MEIS3: variants seen among roughly 807,000 people sequenced by gnomAD.
MEIS3 encodes homeobox protein Meis3.
MEIS3 carries 38 observed loss-of-function variants against 51.4 expected under a neutral mutation model. That is an observed-to-expected ratio of 0.74 (90% CI 0.57 to 0.97). MEIS3 has a LOEUF of 0.97. MEIS3 is among the 50% of genes least tolerant of loss of function. MEIS3 has a pLI of 0.00. For synonymous variants in MEIS3, 198 were observed against 201.8 expected, an observed-to-expected ratio of 0.98 and a Z score of 0.16; for missense variants, 456 against 502.6, an observed-to-expected ratio of 0.91 and a Z score of 0.89.
In MEIS3 at chr19:47,416,968, G is replaced by A. The variant is rs1971457296; in HGVS notation, c.186-5C>T. On this transcript the variant is annotated splice_polypyrimidine_tract_variant and splice_region_variant and intron_variant, in intron 2 of 12. Transcript: ENST00000558555. ...AAGAGGGGGAAGAGCGGGTGTCTGGGGAGGCAGGAAAGGAGAGAGGTTGAG... is the reference window on the plus strand; with the variant it reads ...AAGAGGGGGAAGAGCGGGTGTCTGGAGAGGCAGGAAAGGAGAGAGGTTGAG... The A allele has an allele frequency of 6.4e-7, 1 of 1,573,632 alleles. No individual in the cohort carries two copies. Among genetic ancestry groups the A allele is most frequent in the Non-Finnish European group, 8.6e-7 (1 of 1,159,424 alleles).
chr19:47,407,597 C>G (rs1343243269), intron 8 of MEIS3, 169 bp from the exon 9 acceptor site: 1 of 1,453,458 alleles, frequency 6.9e-7, no homozygotes, highest in Non-Finnish European at 9.0e-7. Flanking sequence ...ACCAAGGGAG[C>G]CTCAGGCTTG....
chr19:47,417,403 C>CGA, intron 1 of MEIS3, 53 bp from the exon 2 acceptor site: 1 of 1,600,834 alleles, frequency 6.2e-7, no homozygotes, highest in Non-Finnish European at 8.5e-7. Context: ...GTCAGCACCC[C>CGA]GAGACTCGGC....
intron 6 of MEIS3, 25 bp downstream of exon 6, chr19:47,414,692 T>C: frequency 6.4e-7 from 1 of 1,566,152 alleles, no homozygotes; most frequent in Non-Finnish European, 8.6e-7. Context: ...TGCAGGACGA[T>C]GCCTGGTGCC....
rs899278171 is a variant in MEIS3 at position 47,416,923 on chromosome 19, A to G, written c.226T>C (p.Cys76Arg). The change falls in exon 3 of 13, where the codon TGT (cysteine) becomes CGT (arginine). Residue 76 changes from cysteine (C) to arginine (R), a missense_variant. By Grantham distance (180) the Cys-to-Arg change is radical. Transcript: ENST00000558555. Reference sequence around the variant, plus strand: ...CGGGGAGAGCATGTAGCCAGTTCACATTTCTCAAAGACCAGGGCCAAGAGG... The same window carrying G: ...CGGGGAGAGCATGTAGCCAGTTCACGTTTCTCAAAGACCAGGGCCAAGAGG... ...FPLLALVFEK[C>R]ELATCSPRDG... The G allele has an allele frequency of 6.2e-7, 1 of 1,609,228 alleles. No homozygotes were observed.
At chr19:47,415,216 G>A in intron 4 of MEIS3, 115 bp from the exon 5 acceptor site, 1 of 718,598 alleles carries the variant, frequency 1.4e-6, no homozygotes, top group East Asian at 2.7e-5. Context: ...CAGAAAGAGT[G>A]AGACAAAATG....
intron 6 of MEIS3, among the ~76,000 whole-genome samples, chr19:47,411,246 T>G (rs1480337187): frequency 3.9e-5 from 6 of 152,166 alleles, no homozygotes; most frequent in Non-Finnish European, 8.8e-5. Flanking sequence ...CATTTCACAT[T>G]TCTAGGCAAT....
At chr19:47,406,816 G>A in intron 11 of MEIS3, 72 bp downstream of exon 11, 1 of 1,343,642 alleles carries the variant, frequency 7.4e-7, no homozygotes, top group Admixed American at 2.2e-5. Context: ...TTGAATCTCA[G>A]GTGGGCATCT....
At chr19:47,414,958 T>G (rs1599820761) in intron 5 of MEIS3, 92 bp from the exon 6 acceptor site, 45 of 567,264 alleles carry the variant, frequency 7.9e-5, no homozygotes, top group Non-Finnish European at 1.0e-4. Context: ...TCAACTCCGG[T>G]GGGGAGAGAG....
chr19:47,408,286 CTGGCTAATTTTT>C (rs1196460855), intron 8 of MEIS3, among the ~76,000 whole-genome samples: 2 of 152,020 alleles, frequency 1.3e-5, no homozygotes, highest in Non-Finnish European at 2.9e-5. Flanking sequence ...GCCACCATGC[CTGGCTAATTTTT>C]TTTTTTAGAG....
At chr19:47,414,684 C>T (rs1400423106) in intron 6 of MEIS3, 33 bp downstream of exon 6, 4 of 1,557,010 alleles carry the variant, frequency 2.6e-6, no homozygotes, top group African/African-American at 2.7e-5. Context: ...GCTGTGGCTG[C>T]AGGACGATGC....
At chr19:47,408,973 G>T in intron 8 of MEIS3, 126 bp downstream of exon 8, 1 of 1,089,118 alleles carries the variant, frequency 9.2e-7, no homozygotes, top group Non-Finnish European at 1.3e-6. Flanking sequence ...CCACCTCCAT[G>T]AGAGTCTCGA....
chr19:47,403,872 A>T (rs1327533146), intron 12 of MEIS3, among the ~76,000 whole-genome samples: 2 of 151,968 alleles, frequency 1.3e-5, no homozygotes, highest in Non-Finnish European at 2.9e-5. Context: ...GAGAGAGAAG[A>T]AGTCATGAAG....
chr19:47,405,530 C>T (rs1970771878), intron 12 of MEIS3, among the ~76,000 whole-genome samples: 1 of 151,980 alleles, frequency 6.6e-6, no homozygotes, highest in African/African-American at 2.4e-5. Context: ...CCAGACCCTA[C>T]CTGAGGCATG....
intron 6 of MEIS3, among the ~76,000 whole-genome samples, chr19:47,410,536 G>A (rs1971082328): frequency 6.6e-6 from 1 of 151,902 alleles, no homozygotes; most frequent in Non-Finnish European, 1.5e-5. Context: ...GGAGGCCCAG[G>A]CGGGTAGATC....
intron 6 of MEIS3, chr19:47,412,534 C>G (rs1369039196): frequency 2.0e-5 from 3 of 152,068 alleles, no homozygotes; most frequent in African/African-American, 4.8e-5. Flanking sequence ...ACTACAGGCG[C>G]ACGACATAAC....
At chr19:47,417,141 A>G in intron 2 of MEIS3, 37 bp downstream of exon 2, 1 of 1,535,738 alleles carries the variant, frequency 6.5e-7, no homozygotes, top group Non-Finnish European at 8.7e-7. Flanking sequence ...AAAGACAGAG[A>G]GAGAGAGACA....
chr19:47,408,101 A>G (rs527314969), intron 8 of MEIS3, among the ~76,000 whole-genome samples: 13 of 151,560 alleles, frequency 8.6e-5, no homozygotes, highest in African/African-American at 3.1e-4. Flanking sequence ...CACCGCACCC[A>G]GCCCTCCCTA....
intron 12 of MEIS3, 85 bp downstream of exon 12, chr19:47,406,375 T>C: frequency 2.6e-6 from 3 of 1,143,070 alleles, no homozygotes; most frequent in Admixed American, 3.6e-5. Flanking sequence ...GCTGACCCAC[T>C]ACTCTGGAAG....
chr19:47,417,086 G>A (rs1971466571), intron 2 of MEIS3, 92 bp downstream of exon 2: 19 of 1,536,806 alleles, frequency 1.2e-5, no homozygotes, highest in African/African-American at 2.8e-5. Context: ...ACAGAGACTC[G>A]TACACAGAGA....
Sources: allele counts gnomAD v4.1 joint callset (sites outside exome capture counted in the v4.1 genomes callset), GRCh38; gene constraint gnomAD v4.1.1; transcripts MANE v1.5; gene names NCBI Gene and HGNC (gene_info 2026-07-23, HGNC 2026-07-21).